The following TEKT5 variants were observed in gnomAD, a reference collection of about 807,000 sequenced individuals.
TEKT5 encodes the protein tektin 5.
TEKT5 carries 52 observed loss-of-function variants against 48.7 expected under a neutral mutation model. That is an observed-to-expected ratio of 1.07 (90% CI 0.86 to 1.35). The LOEUF (loss-of-function observed/expected upper bound fraction) is 1.35, where lower values mean the gene tolerates loss of function less well. Among genes scored for constraint, TEKT5 ranks in the 40% most tolerant of loss-of-function variants. TEKT5 has a pLI of 0.00. For missense variants in TEKT5, 831 were observed against 641.6 expected (o/e 1.30, Z -3.19); for synonymous variants, 318 against 267.6 (o/e 1.19, Z -1.84).
intron 4 of TEKT5, among the ~76,000 whole-genome samples, chr16:10,680,668 A>G (rs979806148): frequency 6.6e-6 from 1 of 151,910 alleles, no homozygotes; most frequent in Non-Finnish European, 1.5e-5. Context: ...ACCATGGAAT[A>G]CTATGCAGCC....
Position 10,628,852 on chromosome 16 carries a change from G to A in TEKT5, c.1242-1053C>T, listed in dbSNP as rs144291630. ...ACCCGGGAGTCAGAGGTTGCAGTGA[G>A]CTGAGATCACATCATTGCACTCCAG... On this transcript the variant is annotated intron_variant, in intron 6 of 6. Coordinates refer to ENST00000283025, the MANE Select transcript of TEKT5 (RefSeq NM_144674.2). 5.2e-3 allele frequency among the ~76,000 whole-genome samples: 757 copies of A among 146,874 alleles called. 5 individuals carry two copies. Among genetic ancestry groups the A allele is most frequent in the Non-Finnish European group, 8.4e-3 (570 of 67,812 alleles).
At chr16:10,678,979 C>T (rs1898697986) in intron 4 of TEKT5, among the ~76,000 whole-genome samples, 1 of 152,210 alleles carries the variant, frequency 6.6e-6, no homozygotes, top group East Asian at 1.9e-4. Flanking sequence ...TGGTAAAACA[C>T]ACAGGCTCAG....
At chr16:10,668,349 A>G (rs1356921045) in intron 5 of TEKT5, among the ~76,000 whole-genome samples, 1 of 152,130 alleles carries the variant, frequency 6.6e-6, no homozygotes, top group South Asian at 2.1e-4. Context: ...GAAGAGAGAG[A>G]CTTTCTCCCT....
chr16:10,692,425 G>A (rs1898996095), intron 1 of TEKT5, among the ~76,000 whole-genome samples: 1 of 152,172 alleles, frequency 6.6e-6, no homozygotes, highest in Non-Finnish European at 1.5e-5. Flanking sequence ...CCCTGTAGCT[G>A]CAGGAGGCTT....
chr16:10,633,610 A>G (rs1026861040), intron 6 of TEKT5, among the ~76,000 whole-genome samples: 5 of 152,094 alleles, frequency 3.3e-5, no homozygotes, highest in Admixed American at 2.6e-4. Context: ...TGGCGCAATC[A>G]TAGCTCACTG....
intron 6 of TEKT5, among the ~76,000 whole-genome samples, chr16:10,633,534 CT>C (rs1270675522): frequency 6.6e-6 from 1 of 152,078 alleles, no homozygotes; most frequent in African/African-American, 2.4e-5. Flanking sequence ...ACTTCCAGGG[CT>C]GAAGACCTAG....
intron 5 of TEKT5, among the ~76,000 whole-genome samples, chr16:10,641,699 G>A (rs889055766): frequency 3.3e-5 from 5 of 152,194 alleles, no homozygotes; most frequent in African/African-American, 1.2e-4. Context: ...ATGCGCGCCT[G>A]TAGTCCCAGC....
chr16:10,662,017 T>C (rs1297325390), intron 5 of TEKT5, among the ~76,000 whole-genome samples: 5 of 152,172 alleles, frequency 3.3e-5, no homozygotes, highest in African/African-American at 7.2e-5. Flanking sequence ...CTATCTACTA[T>C]CTTTTTTCCT....
chr16:10,629,480 A>C (rs1186463590), intron 6 of TEKT5, among the ~76,000 whole-genome samples: 1 of 152,040 alleles, frequency 6.6e-6, no homozygotes, highest in Non-Finnish European at 1.5e-5. Context: ...CGAACTCCTA[A>C]GCTCAGGCAA....
intron 6 of TEKT5, among the ~76,000 whole-genome samples, chr16:10,632,000 C>A (rs1449092553): frequency 1.3e-5 from 2 of 151,530 alleles, no homozygotes; most frequent in African/African-American, 4.8e-5. Context: ...GACTGTGCTG[C>A]GGGTCCCACC....
intron 5 of TEKT5, among the ~76,000 whole-genome samples, chr16:10,669,714 A>T (rs1409204081): frequency 1.3e-5 from 2 of 151,784 alleles, no homozygotes; most frequent in African/African-American, 4.8e-5. Context: ...AACCATATTT[A>T]TGCATCTTTT....
intron 6 of TEKT5, among the ~76,000 whole-genome samples, chr16:10,629,718 A>G (rs925693610): frequency 7.9e-5 from 12 of 152,138 alleles, no homozygotes; most frequent in Admixed American, 7.9e-4. Flanking sequence ...TGCTCAGCCA[A>G]TCTGAGCTAT....
chr16:10,638,111 G>A (rs1393576555), intron 5 of TEKT5, among the ~76,000 whole-genome samples: 9 of 152,214 alleles, frequency 5.9e-5, no homozygotes, highest in South Asian at 2.1e-4. Context: ...AGCACCTGGT[G>A]GGAGTCTTTT....
intron 5 of TEKT5, among the ~76,000 whole-genome samples, chr16:10,647,206 A>G (rs1898082910): frequency 6.6e-6 from 1 of 152,016 alleles, no homozygotes; most frequent in African/African-American, 2.4e-5. Flanking sequence ...GCGGTGGCTG[A>G]CAACTGTGGT....
chr16:10,631,502 A>G (rs1425709539), intron 6 of TEKT5, among the ~76,000 whole-genome samples: 1 of 151,990 alleles, frequency 6.6e-6, no homozygotes, highest in African/African-American at 2.4e-5. Flanking sequence ...CATGGAGCGG[A>G]TCGGGTGGTG....
At chr16:10,650,383 G>C (rs1358579098) in intron 5 of TEKT5, among the ~76,000 whole-genome samples, 1 of 151,940 alleles carries the variant, frequency 6.6e-6, no homozygotes, top group Admixed American at 6.6e-5. Flanking sequence ...TTACAGGGGT[G>C]AGCCACTGTG....
chr16:10,677,021 T>TA (rs1336837444), intron 4 of TEKT5, among the ~76,000 whole-genome samples: 1 of 151,958 alleles, frequency 6.6e-6, no homozygotes, highest in Non-Finnish European at 1.5e-5. Context: ...CACATCTCTA[T>TA]AAAAAATGTC....
intron 6 of TEKT5, among the ~76,000 whole-genome samples, chr16:10,628,573 G>A (rs1015293546): frequency 3.3e-5 from 5 of 152,270 alleles, no homozygotes; most frequent in East Asian, 1.9e-4. Context: ...CAATGTAATC[G>A]AGCCACAGAA....
At chr16:10,660,228 G>A (rs1390002859) in intron 5 of TEKT5, among the ~76,000 whole-genome samples, 1 of 152,120 alleles carries the variant, frequency 6.6e-6, no homozygotes, top group Non-Finnish European at 1.5e-5. Flanking sequence ...CAAGACGGGG[G>A]TTGCCTGTGT....
Sources: gnomAD v4.1 joint callset for allele counts (sites outside exome capture counted in the v4.1 genomes callset) on GRCh38, gnomAD v4.1.1 for gene constraint, MANE v1.5 for transcripts, NCBI Gene and HGNC (gene_info 2026-07-23, HGNC 2026-07-21) for gene names.